The following NELL1 variants were observed in gnomAD, a reference collection of about 807,000 sequenced individuals.
The protein encoded by NELL1 is protein kinase C-binding protein NELL1.
A neutral mutation model predicts 107.4 loss-of-function variants in NELL1; 76 were observed. The ratio of observed to expected loss-of-function variants is 0.71; its 90% CI spans 0.59 to 0.86. The LOEUF (loss-of-function observed/expected upper bound fraction) is 0.86. Among genes scored for constraint, NELL1 ranks in the 40% least tolerant of loss-of-function variants. The pLI is 0.00. For synonymous variants in NELL1, 353 were observed against 341.2 expected (o/e 1.03, Z -0.38); for missense variants, 1,024 against 1,005.5 (o/e 1.02, Z -0.25).
At chr11:21,045,175 G>A (rs2134338542) in intron 12 of NELL1, among the ~76,000 whole-genome samples, 1 of 152,286 alleles carries the variant, frequency 6.6e-6, no homozygotes, top group Non-Finnish European at 1.5e-5. Flanking sequence ...AGTGAGAAAT[G>A]TGGCAGAGGC....
chr11:21,481,782 G>T (rs1854499018), intron 15 of NELL1, among the ~76,000 whole-genome samples: 1 of 152,130 alleles, frequency 6.6e-6, no homozygotes, highest in Non-Finnish European at 1.5e-5. Context: ...AAACAGAACT[G>T]ACTCCCATTG....
chr11:21,094,752 G>A (rs1854601937), intron 12 of NELL1, among the ~76,000 whole-genome samples: 1 of 152,134 alleles, frequency 6.6e-6, no homozygotes, highest in Admixed American at 6.5e-5. Context: ...TGGGACACAG[G>A]TCACCAAGTC....
At chr11:21,419,908 G>A (rs1221414402) in intron 15 of NELL1, among the ~76,000 whole-genome samples, 2 of 152,028 alleles carry the variant, frequency 1.3e-5, no homozygotes, top group Non-Finnish European at 2.9e-5. Flanking sequence ...TTGCCATGCT[G>A]TTCCAATTAT....
At chr11:21,321,616 T>C (rs541458468) in intron 14 of NELL1, among the ~76,000 whole-genome samples, 26 of 152,338 alleles carry the variant, frequency 1.7e-4, no homozygotes, top group South Asian at 1.5e-3. Flanking sequence ...ATTCCAGCTC[T>C]CTCACTTGAT....
At chr11:21,159,108 C>T (rs145952421) in intron 13 of NELL1, among the ~76,000 whole-genome samples, 1 of 152,224 alleles carries the variant, frequency 6.6e-6, no homozygotes, top group African/African-American at 2.4e-5. Flanking sequence ...GCTTCTCTGC[C>T]AGAGTGTCCA....
At chr11:21,309,302 AT>A (rs1565160595) in intron 14 of NELL1, among the ~76,000 whole-genome samples, 6 of 127,902 alleles carry the variant, frequency 4.7e-5, no homozygotes, top group South Asian at 2.4e-4. Flanking sequence ...ATATATATGT[AT>A]ATATATATAA....
chr11:20,870,214 C>T (rs1049284588), intron 4 of NELL1, among the ~76,000 whole-genome samples: 2 of 152,156 alleles, frequency 1.3e-5, no homozygotes, highest in Non-Finnish European at 2.9e-5. Context: ...AAGGCTACAT[C>T]CCAAGTTCAG....
chr11:21,389,842 T>C (rs1851828964), intron 15 of NELL1, among the ~76,000 whole-genome samples: 1 of 151,810 alleles, frequency 6.6e-6, no homozygotes, highest in South Asian at 2.1e-4. Context: ...TATGGGTTGT[T>C]TCCAGTTTGG....
intron 2 of NELL1, among the ~76,000 whole-genome samples, chr11:20,722,720 GAGA>G (rs1375695950): frequency 6.6e-6 from 1 of 152,124 alleles, no homozygotes; most frequent in Non-Finnish European, 1.5e-5. Flanking sequence ...AAATAAAGCA[GAGA>G]AGGAGGGAGA....
chr11:21,001,960 T>G (rs1487531169), intron 12 of NELL1, among the ~76,000 whole-genome samples: 1 of 152,218 alleles, frequency 6.6e-6, no homozygotes, highest in African/African-American at 2.4e-5. Context: ...GAGTCCCATG[T>G]TGGGCAAAAT....
intron 2 of NELL1, among the ~76,000 whole-genome samples, chr11:20,681,558 T>C (rs1854189787): frequency 6.6e-6 from 1 of 152,134 alleles, no homozygotes; most frequent in Non-Finnish European, 1.5e-5. Flanking sequence ...TATTATCCAA[T>C]GCCGAAGCCT....
At chr11:20,856,872 T>TGAGATG (rs1431906650) in intron 4 of NELL1, among the ~76,000 whole-genome samples, 1 of 152,226 alleles carries the variant, frequency 6.6e-6, no homozygotes, top group East Asian at 1.9e-4. Flanking sequence ...TATAGCTCTG[T>TGAGATG]GAGATGGATG....
At chr11:21,078,423 G>T (rs1854191034) in intron 12 of NELL1, among the ~76,000 whole-genome samples, 1 of 151,804 alleles carries the variant, frequency 6.6e-6, no homozygotes, top group African/African-American at 2.4e-5. Context: ...TCATAGAAGA[G>T]AATTAAAATA....
At chr11:21,503,149 G>A (rs1310622442) in intron 15 of NELL1, among the ~76,000 whole-genome samples, 3 of 152,206 alleles carry the variant, frequency 2.0e-5, no homozygotes, top group African/African-American at 4.8e-5. Context: ...CCAAAGTGCC[G>A]GGACTACAAG....
intron 4 of NELL1, among the ~76,000 whole-genome samples, chr11:20,855,378 T>C (rs534536054): frequency 2.8e-4 from 43 of 152,326 alleles, no homozygotes; most frequent in African/African-American, 9.9e-4. Context: ...CTCTTTCCTT[T>C]ATCTGATGGT....
intron 13 of NELL1, among the ~76,000 whole-genome samples, chr11:21,152,732 C>T (rs974909293): frequency 8.5e-5 from 13 of 152,092 alleles, no homozygotes; most frequent in African/African-American, 3.1e-4. Context: ...CAAAAATATA[C>T]ATATAGAAAA....
At chr11:21,031,271 T>G (rs1239119997) in intron 12 of NELL1, among the ~76,000 whole-genome samples, 1 of 152,244 alleles carries the variant, frequency 6.6e-6, no homozygotes, top group South Asian at 2.1e-4. Context: ...TGAACATCCT[T>G]GTATATAAAT....
chr11:21,470,724 A>G (rs1854156643), intron 15 of NELL1, among the ~76,000 whole-genome samples: 1 of 152,116 alleles, frequency 6.6e-6, no homozygotes, highest in East Asian at 1.9e-4. Flanking sequence ...GCCAGCATCT[A>G]GCAGAGTAGA....
intron 13 of NELL1, among the ~76,000 whole-genome samples, chr11:21,145,560 A>T (rs1049520940): frequency 1.3e-5 from 2 of 152,240 alleles, no homozygotes; most frequent in African/African-American, 4.8e-5. Context: ...TTTAGGATAC[A>T]TAGACTGATG....
Sources: allele counts gnomAD v4.1 joint callset (sites outside exome capture counted in the v4.1 genomes callset), GRCh38; gene constraint gnomAD v4.1.1; transcripts MANE v1.5; gene names NCBI Gene and HGNC (gene_info 2026-07-23, HGNC 2026-07-21).